SVEP1: variants seen among roughly 807,000 people sequenced by gnomAD.
SVEP1 encodes sushi, von Willebrand factor type A, EGF and pentraxin domain-containing protein 1.
Under a neutral mutation model 367.3 loss-of-function variants are expected in SVEP1, and 164 were observed. The observed-to-expected ratio is 0.45, with a 90% CI of 0.39 to 0.51. The LOEUF is 0.51. SVEP1 is among the 20% of genes least tolerant of loss of function. The pLI is 0.00. For synonymous variants in SVEP1, 1,666 were observed against 1,611.6 expected, an observed-to-expected ratio of 1.03 and a Z score of -0.81; for missense variants, 4,117 against 4,425.3, an observed-to-expected ratio of 0.93 and a Z score of 1.98.
chr9:110,408,809 C>G lies in SVEP1; in HGVS notation c.6791G>C (p.Cys2264Ser). The change falls in exon 38 of 48, where the codon TGT becomes TCT. Residue 2264 changes from cysteine to serine, a missense_variant. Cys to Ser is a moderately radical substitution (Grantham distance 112). Coordinates refer to ENST00000374469, the MANE Select transcript of SVEP1 (RefSeq NM_153366.4). ...ESPLMCVPLD[C>S]GKPPPIQNGF... ...ATTCTGGATCGGGGGAGGTTTTCCA[C>G]AGTCGAGAGGAACACACATCAGAGG... 1.2e-6 allele frequency: 2 copies of G among 1,613,108 alleles called. No homozygotes were observed. Among genetic ancestry groups the G allele is most frequent in the Middle Eastern group, 3.3e-4 (2 of 6,062 alleles).
chr9:110,494,658 G>A (rs1160509395), intron 8 of SVEP1, among the ~76,000 whole-genome samples: 2 of 152,128 alleles, frequency 1.3e-5, no homozygotes, highest in Non-Finnish European at 1.5e-5. Context: ...CAAAGACTTA[G>A]TACAAGGATG....
intron 5 of SVEP1, among the ~76,000 whole-genome samples, chr9:110,511,345 T>G (rs772094641): frequency 9.2e-5 from 14 of 152,122 alleles, no homozygotes; most frequent in Non-Finnish European, 1.8e-4. Flanking sequence ...AAGAGTCTAT[T>G]TCCTGTGACT....
chr9:110,427,815 T>A (rs1828278587), intron 35 of SVEP1, 57 bp from the exon 36 acceptor site: 6 of 1,536,052 alleles, frequency 3.9e-6, no homozygotes, highest in Non-Finnish European at 5.3e-6. Flanking sequence ...GCTATGGAGA[T>A]AAAACAGGAA....
chr9:110,472,157 A>C lies in SVEP1; in HGVS notation c.2764+2T>G. The C allele has an allele frequency of 6.2e-7, 1 of 1,610,022 alleles. No homozygotes were observed. The highest frequency in any genetic ancestry group is 8.5e-7 in the Non-Finnish European group (1 of 1,178,858). On this transcript the variant is annotated splice_donor_variant, in intron 15 of 47. Coordinates refer to ENST00000374469, the MANE Select transcript of SVEP1 (RefSeq NM_153366.4). LOFTEE classifies it high-confidence loss of function. ...TTTTTCAAATAGACAGTTTATCCTTACCTGTGATGTTAAAAATTAACTTAA... is the reference window on the plus strand; with the variant it reads ...TTTTTCAAATAGACAGTTTATCCTTCCCTGTGATGTTAAAAATTAACTTAA...
At chr9:110,388,314 C>T (rs1827556944) in intron 41 of SVEP1, among the ~76,000 whole-genome samples, 2 of 151,966 alleles carry the variant, frequency 1.3e-5, no homozygotes, top group South Asian at 2.1e-4. Context: ...AACAGGGATG[C>T]TATGAGGAAA....
At chr9:110,438,641 A>T (rs1828467851) in intron 27 of SVEP1, among the ~76,000 whole-genome samples, 1 of 152,226 alleles carries the variant, frequency 6.6e-6, no homozygotes, top group Non-Finnish European at 1.5e-5. Flanking sequence ...CTGTTTATTT[A>T]TACATAATTA....
intron 28 of SVEP1, 139 bp from the exon 29 acceptor site, chr9:110,435,503 G>T: frequency 1.1e-6 from 1 of 941,170 alleles, no homozygotes. Flanking sequence ...GATTTCAGGG[G>T]CAGCAGGAGA....
In SVEP1 at chr9:110,518,760, C is replaced by T. The variant is rs1008521490; in HGVS notation, c.965-4654G>A. On this transcript the variant is annotated intron_variant, in intron 3 of 47. Coordinates refer to ENST00000374469, the MANE Select transcript of SVEP1 (RefSeq NM_153366.4). The stretch of plus-strand genomic sequence containing the variant: ...TTCTACGTTACTTTTATCTTAGATG[C>T]GACCTCATCATCTCTCTTCTGGTTT... 2.6e-5 allele frequency among the ~76,000 whole-genome samples: 4 copies of T among 152,138 alleles called. No individual in the cohort carries two copies. In the South Asian group the frequency reaches 6.2e-4, roughly 24 times the overall value.
intron 14 of SVEP1, chr9:110,475,992 C>T (rs1008851694): frequency 2.4e-6 from 1 of 425,346 alleles, no homozygotes; most frequent in African/African-American, 2.1e-5. Flanking sequence ...TTTTAAGAAT[C>T]CTGGCAAATA....
Position 110,385,880 on chromosome 9 carries a change from T to A in SVEP1, c.10237+18A>T, listed in dbSNP as rs779602252. ...TTTCGCACTAGCGGCATGAACTGGC[T>A]TCCGCCTGCTGACTTACTTTCACAT... is the stretch of plus-strand genomic sequence containing the variant. On this transcript the variant is annotated intron_variant, in intron 43 of 47. Coordinates refer to ENST00000374469, the MANE Select transcript of SVEP1 (RefSeq NM_153366.4). The A allele has an allele frequency of 4.0e-5, 64 of 1,609,052 alleles. No homozygotes were observed. In the South Asian group the frequency reaches 6.7e-4, roughly 17 times the overall value.
intron 36 of SVEP1, among the ~76,000 whole-genome samples, chr9:110,416,334 A>C (rs1351282482): frequency 6.6e-6 from 1 of 152,022 alleles, no homozygotes; most frequent in Non-Finnish European, 1.5e-5. Flanking sequence ...TTGAAAAATA[A>C]ATAGAAATTC....
chr9:110,437,558 T>C (rs1245008174), intron 27 of SVEP1, among the ~76,000 whole-genome samples: 1 of 152,238 alleles, frequency 6.6e-6, no homozygotes, highest in East Asian at 1.9e-4. Context: ...ACCTTTCTGC[T>C]CATTCTCAGT....
At chr9:110,520,641 A>G (rs72750766) in intron 3 of SVEP1, among the ~76,000 whole-genome samples, 22,387 of 151,992 alleles carry the variant, frequency 0.15, 2,148 homozygotes, top group East Asian at 0.35. Flanking sequence ...AGAAATCTCT[A>G]CTCTTTCTAA....
intron 1 of SVEP1, among the ~76,000 whole-genome samples, chr9:110,552,207 T>C (rs1377198531): frequency 1.3e-5 from 2 of 151,642 alleles, no homozygotes; most frequent in East Asian, 2.0e-4. Flanking sequence ...AATTTTTGTA[T>C]TTGTAGTAGA....
At chr9:110,530,098 C>T (rs949796694) in intron 3 of SVEP1, among the ~76,000 whole-genome samples, 3 of 152,068 alleles carry the variant, frequency 2.0e-5, no homozygotes, top group African/African-American at 7.2e-5. Flanking sequence ...GCTTTTTCTC[C>T]ATCTATTGAG....
chr9:110,501,552 C>G (rs1235797990), intron 6 of SVEP1, among the ~76,000 whole-genome samples: 2 of 151,870 alleles, frequency 1.3e-5, no homozygotes, highest in African/African-American at 4.8e-5. Flanking sequence ...GATTTTCAAT[C>G]CCAATATCTC....
intron 27 of SVEP1, among the ~76,000 whole-genome samples, chr9:110,437,257 C>G (rs2118573031): frequency 6.6e-6 from 1 of 152,278 alleles, no homozygotes; most frequent in Admixed American, 6.5e-5. Flanking sequence ...CTAGGAGTGG[C>G]TTTTTCTATT....
At chr9:110,459,283 T>C (rs2118638610) in intron 18 of SVEP1, among the ~76,000 whole-genome samples, 170 bp from the exon 19 acceptor site, 1 of 152,364 alleles carries the variant, frequency 6.6e-6, no homozygotes, top group African/African-American at 2.4e-5. Flanking sequence ...TTGTTGGGTC[T>C]CCTTCCTATC....
At chr9:110,459,537 A>T (rs996721639) in intron 18 of SVEP1, among the ~76,000 whole-genome samples, 22 of 152,182 alleles carry the variant, frequency 1.4e-4, no homozygotes, top group African/African-American at 4.8e-4. Context: ...GCTGAAGTAA[A>T]TTTTTTGCAT....
Sources: gnomAD v4.1 joint callset for allele counts (sites outside exome capture counted in the v4.1 genomes callset) on GRCh38, gnomAD v4.1.1 for gene constraint, MANE v1.5 for transcripts, NCBI Gene and HGNC (gene_info 2026-07-23, HGNC 2026-07-21) for gene names.